The following RFTN1 variants were observed in gnomAD, a reference collection of about 807,000 sequenced individuals.
RFTN1 encodes raftlin, lipid raft linker 1.
Under a neutral mutation model 46.5 loss-of-function variants are expected in RFTN1, and 26 were observed. That is an observed-to-expected ratio of 0.56 (90% CI 0.41 to 0.78). The LOEUF (loss-of-function observed/expected upper bound fraction) is 0.78. Among genes scored for constraint, RFTN1 ranks in the 30% least tolerant of loss-of-function variants. The pLI is 0.00. For synonymous variants in RFTN1, 261 were observed against 284.2 expected (o/e 0.92, Z 0.82); for missense variants, 693 against 718.7 (o/e 0.96, Z 0.41).
At chr3:16,441,369 C>CACATTT in intron 2 of RFTN1, among the ~76,000 whole-genome samples, 1 of 147,304 alleles carries the variant, frequency 6.8e-6, no homozygotes, top group Non-Finnish European at 1.5e-5. Context: ...CACAAAACCA[C>CACATTT]ACATTTCTTA....
intron 5 of RFTN1, among the ~76,000 whole-genome samples, chr3:16,371,612 G>A (rs183113202): frequency 1.1e-3 from 163 of 152,280 alleles, no homozygotes; most frequent in African/African-American, 3.7e-3. Flanking sequence ...GACCAACGCT[G>A]GGCCATATTA....
rs1173515504 is a variant in RFTN1, at chr3:16,460,302, T to C, written c.146-26265A>G. 1.3e-5 allele frequency among the ~76,000 whole-genome samples: 2 copies of C among 152,206 alleles called. No individual in the cohort carries two copies. Among genetic ancestry groups the C allele is most frequent in the Admixed American group, 6.5e-5 (1 of 15,282 alleles). On this transcript the variant is annotated intron_variant, in intron 2 of 9. Coordinates refer to ENST00000334133, the MANE Select transcript of RFTN1 (RefSeq NM_015150.2). This position sits in a 1 kb window ranked among gnomAD's most constrained non-coding sequence, Gnocchi z 4.8. ...TGGGTAGCATTTATATTAACTAAAT[T>C]TGGTTTTCATTTTAGAAACAAATTC...
At chr3:16,358,537 G>T (rs2072616544) in intron 6 of RFTN1, among the ~76,000 whole-genome samples, 1 of 151,934 alleles carries the variant, frequency 6.6e-6, no homozygotes, top group Admixed American at 6.6e-5. Context: ...GTGGGCTGCA[G>T]TCCAGACAAC....
chr3:16,333,283 A>G (rs915542359), intron 7 of RFTN1, among the ~76,000 whole-genome samples: 4 of 152,272 alleles, frequency 2.6e-5, no homozygotes, highest in Admixed American at 6.5e-5. Flanking sequence ...CATTGAAACC[A>G]GGCACAATAT....
intron 4 of RFTN1, among the ~76,000 whole-genome samples, chr3:16,392,918 C>G (rs2074384424): frequency 6.6e-6 from 1 of 152,138 alleles, no homozygotes; most frequent in Admixed American, 6.5e-5. Flanking sequence ...TGTACTTTAT[C>G]TTCATTGCAT....
At chr3:16,386,761 G>T (rs745400415) in intron 4 of RFTN1, among the ~76,000 whole-genome samples, 1 of 152,140 alleles carries the variant, frequency 6.6e-6, no homozygotes, top group South Asian at 2.1e-4. Flanking sequence ...CGAGGTGGGG[G>T]TTGGTAACAG....
At chr3:16,482,500 C>T (rs1051582084) in intron 2 of RFTN1, among the ~76,000 whole-genome samples, 8 of 152,086 alleles carry the variant, frequency 5.3e-5, no homozygotes, top group Non-Finnish European at 1.2e-4. Context: ...AAAGCCATAC[C>T]CGAGGGACCT....
In RFTN1 at chr3:16,345,384, T is replaced by C. The variant is rs76550734; in HGVS notation, c.1146+12548A>G. ...TAAAGATATAGCCCCTGTTATCACATTGAGCCCTTAACTTGCCACAGGATG... is the reference window on the plus strand; with the variant it reads ...TAAAGATATAGCCCCTGTTATCACACTGAGCCCTTAACTTGCCACAGGATG... On this transcript the variant is annotated intron_variant, in intron 7 of 9. Coordinates refer to ENST00000334133, the MANE Select transcript of RFTN1 (RefSeq NM_015150.2). This position sits in a 1 kb window ranked among gnomAD's most constrained non-coding sequence, Gnocchi z 5.2. 1 of 152,140 alleles carries C rather than the reference T, an allele frequency of 6.6e-6. No homozygotes were observed. The highest frequency in any genetic ancestry group is 1.9e-4 in the East Asian group (1 of 5,172). The allele number at this position is 152,140 out of a possible 1,614,324, so 9.4% of individuals were successfully genotyped here. A position where few individuals can be genotyped will look rare whatever the true frequency, so the allele number is the denominator to read the frequency against.
intron 4 of RFTN1, among the ~76,000 whole-genome samples, chr3:16,401,837 A>C (rs62236335): frequency 0.076 from 11,584 of 152,294 alleles, 530 homozygotes; most frequent in Middle Eastern, 0.15. Flanking sequence ...ACCAAACAAC[A>C]GATCTTGCAA....
At chr3:16,397,086 AGAG>A (rs2074487173) in intron 4 of RFTN1, among the ~76,000 whole-genome samples, 1 of 142,060 alleles carries the variant, frequency 7.0e-6, no homozygotes, top group Non-Finnish European at 1.5e-5. Context: ...AAAAAAAAAA[AGAG>A]AGAGAGAAGA....
intron 3 of RFTN1, among the ~76,000 whole-genome samples, chr3:16,431,183 A>T (rs1375516455): frequency 6.6e-6 from 1 of 152,198 alleles, no homozygotes; most frequent in Non-Finnish European, 1.5e-5. Context: ...CCTAGAACGC[A>T]GGCCTCCTGG....
rs531336253 is a variant in RFTN1, at chr3:16,482,857, C to T, written c.145+10868G>A. On this transcript the variant is annotated intron_variant, in intron 2 of 9. Transcript: ENST00000334133. ...GCCTTTCTGCCATGAAGATGAAGGA[C>T]TGTACGAGGAGGAGCCTCCCACCGG... 255 of 1,535,128 alleles carry T rather than the reference C, an allele frequency of 1.7e-4. 1 individual carries two copies. In the African/African-American group the frequency reaches 1.8e-3, roughly 11 times the overall value.
rs2069099039 is a variant in RFTN1 at position 16,321,883 on chromosome 3, C to T, written c.1332+1493G>A. 1.3e-5 allele frequency among the ~76,000 whole-genome samples: 2 copies of T among 152,236 alleles called. No individual in the cohort carries two copies. Among genetic ancestry groups the T allele is most frequent in the Non-Finnish European group, 1.5e-5 (1 of 68,046 alleles). On this transcript the variant is annotated intron_variant, in intron 9 of 9. Coordinates refer to ENST00000334133, the MANE Select transcript of RFTN1 (RefSeq NM_015150.2). This position sits in a 1 kb window ranked among gnomAD's most constrained non-coding sequence, Gnocchi z 4.8. ...GTCTCCCTGCCGACTCAAGTTTCCACTGACTTGTCCCCCTGCATGCGATGC... is the reference window on the plus strand; with the variant it reads ...GTCTCCCTGCCGACTCAAGTTTCCATTGACTTGTCCCCCTGCATGCGATGC...
In RFTN1 at chr3:16,388,999, ATGAG is replaced by A. The variant is rs756016703; in HGVS notation, c.442-10901_442-10898del. On this transcript the variant is annotated intron_variant, in intron 4 of 9. Transcript: ENST00000334133. ...ACTCAAATCTCAGCACCACAGTTAA[ATGAG>A]TGAGTCAAAAGAACATAAGTTTAAA... 3.9e-5 allele frequency among the ~76,000 whole-genome samples: 6 copies of A among 152,340 alleles called. No homozygotes were observed. In the South Asian group the frequency reaches 6.2e-4, roughly 16 times the overall value.
Position 16,341,724 on chromosome 3 carries a change from A to G in RFTN1, c.1147-14848T>C, listed in dbSNP as rs2071330360. 6.6e-6 allele frequency among the ~76,000 whole-genome samples: 1 copy of G among 152,214 alleles called. No individual in the cohort carries two copies. Among genetic ancestry groups the G allele is most frequent in the Non-Finnish European group, 1.5e-5 (1 of 68,044 alleles). On this transcript the variant is annotated intron_variant, in intron 7 of 9. Transcript: ENST00000334133. The surrounding 1 kb of genome is among the most constrained non-coding windows in gnomAD (Gnocchi z 4.7). ...AGCAAAAACCCACCAATGGAAAACT[A>G]ATTAAATAAATTAAAATTTTTCATA... is the stretch of plus-strand genomic sequence containing the variant.
At chr3:16,437,479 C>T (rs1336601133) in intron 2 of RFTN1, among the ~76,000 whole-genome samples, 2 of 151,790 alleles carry the variant, frequency 1.3e-5, no homozygotes, top group Non-Finnish European at 2.9e-5. Flanking sequence ...GGCAATAGGG[C>T]AAAACTCCAT....
rs577390476 is a variant in RFTN1, at chr3:16,470,696, G to C, written c.145+23029C>G. Among the ~76,000 whole-genome samples the C allele has an allele frequency of 4.2e-4, 64 of 152,292 alleles. No individual in the cohort carries two copies. In the South Asian group the frequency reaches 5.8e-3, roughly 14 times the overall value. The stretch of plus-strand genomic sequence containing the variant: ...ACCCAAGAGACAGAGTTGGCAGCTG[G>C]AGTCCAACTGCTTGTTTGCTAAAGC... On this transcript the variant is annotated intron_variant, in intron 2 of 9. Transcript: ENST00000334133.
rs956292122 is a variant in RFTN1 at position 16,351,942 on chromosome 3, T to G, written c.1146+5990A>C. Among the ~76,000 whole-genome samples, 3 of 152,168 alleles carry G rather than the reference T, an allele frequency of 2.0e-5. No homozygotes were observed. The highest frequency in any genetic ancestry group is 7.2e-5 in the African/African-American group (3 of 41,446). On this transcript the variant is annotated intron_variant, in intron 7 of 9. Transcript: ENST00000334133. The surrounding 1 kb of genome is among the most constrained non-coding windows in gnomAD (Gnocchi z 5.4). ...GATTCCATTGATATTTTAAAGAAAC[T>G]GACACTGGGCATTGTAGCCAGCACA...
In RFTN1 at chr3:16,410,621, TA is replaced by T. The variant is rs371963221; in HGVS notation, c.333-1139del. On this transcript the variant is annotated intron_variant, in intron 3 of 9. Transcript: ENST00000334133. This position sits in a 1 kb window ranked among gnomAD's most constrained non-coding sequence, Gnocchi z 4.6. ...CATTAAAGAAAGACTACTGAGCAACTAAAAGAAATTCTGGGAAAACAGCGTG... is the reference window on the plus strand; with the variant it reads ...CATTAAAGAAAGACTACTGAGCAACTAAAGAAATTCTGGGAAAACAGCGTG... Among the ~76,000 whole-genome samples, 1 of 152,240 alleles carries T rather than the reference TA, an allele frequency of 6.6e-6. No individual in the cohort carries two copies. The highest frequency in any genetic ancestry group is 1.9e-4 in the East Asian group (1 of 5,186).
Sources: gnomAD v4.1 joint callset for allele counts (sites outside exome capture counted in the v4.1 genomes callset) on GRCh38, gnomAD v4.1.1 for gene constraint, Gnocchi (gnomAD v3.1) non-coding constraint, MANE v1.5 for transcripts, NCBI Gene and HGNC (gene_info 2026-07-23, HGNC 2026-07-21) for gene names.